Variants in FAM227B observed in about 807,000 individuals in gnomAD.
FAM227B encodes the protein protein FAM227B.
In FAM227B, 88 loss-of-function variants were observed where a neutral mutation model predicts 73.8. The ratio of observed to expected loss-of-function variants is 1.19; its 90% CI spans 1.00 to 1.42. The LOEUF (loss-of-function observed/expected upper bound fraction) is 1.42, where lower values mean the gene tolerates loss of function less well. Among genes scored for constraint, FAM227B ranks in the 40% most tolerant of loss-of-function variants. The pLI is 0.00. For synonymous variants in FAM227B, 210 were observed against 190.5 expected (o/e 1.10, Z -0.84); for missense variants, 632 against 590.9 (o/e 1.07, Z -0.72).
At position 49,395,523 on chromosome 15, in the gene FAM227B, T is replaced by A. The variant is rs566984018; in HGVS notation, c.1013-24124A>T. Among the ~76,000 whole-genome samples the A allele has an allele frequency of 2.0e-5, 3 of 152,330 alleles. 1 individual carries two copies. In the East Asian group the frequency reaches 5.8e-4, roughly 29 times the overall value. On this transcript the variant is annotated intron_variant, in intron 11 of 15. Coordinates refer to ENST00000299338, the MANE Select transcript of FAM227B (RefSeq NM_152647.3). ...TCTGAGTACTGCTGAGAATCAGGGT[T>A]AGCATAGGCAGAAGTACATTACTAT...
At chr15:49,610,004 A>T (rs1598542085) in intron 3 of FAM227B, among the ~76,000 whole-genome samples, 1 of 151,984 alleles carries the variant, frequency 6.6e-6, no homozygotes, top group African/African-American at 2.4e-5. Context: ...CATACTATTA[A>T]TAAGACATGG....
At chr15:49,559,950 A>AC (rs1735998821) in intron 9 of FAM227B, among the ~76,000 whole-genome samples, 2 of 151,886 alleles carry the variant, frequency 1.3e-5, no homozygotes. Context: ...TCGAAAAAAA[A>AC]AAAATTCTGA....
intron 11 of FAM227B, among the ~76,000 whole-genome samples, chr15:49,454,012 C>T (rs181845944): frequency 1.3e-5 from 2 of 152,238 alleles, no homozygotes; most frequent in African/African-American, 2.4e-5. Context: ...ACTGAATCCT[C>T]AAATCTCCTA....
intron 8 of FAM227B, among the ~76,000 whole-genome samples, chr15:49,569,961 T>C (rs1178580429): frequency 2.0e-5 from 3 of 152,036 alleles, no homozygotes; most frequent in Non-Finnish European, 2.9e-5. Context: ...ATTTCCTTTT[T>C]TCAAGGCCCA....
At chr15:49,466,824 T>G (rs2054307778) in intron 11 of FAM227B, among the ~76,000 whole-genome samples, 1 of 152,184 alleles carries the variant, frequency 6.6e-6, no homozygotes, top group Non-Finnish European at 1.5e-5. Context: ...TTAAGTAAAC[T>G]CAGATGTTTT....
intron 11 of FAM227B, among the ~76,000 whole-genome samples, chr15:49,471,533 A>AATAAT (rs2054763911): frequency 1.4e-5 from 2 of 146,762 alleles, no homozygotes; most frequent in South Asian, 4.3e-4. Context: ...TAATAATAAT[A>AATAAT]TGGCAAATGT....
chr15:49,505,732 C>G lies in FAM227B; in HGVS notation c.1012+2479G>C, dbSNP rs569078334. Among the ~76,000 whole-genome samples, 133 of 151,610 alleles carry G rather than the reference C, an allele frequency of 8.8e-4. 5 individuals are homozygous for G. In the South Asian group the frequency reaches 0.026, roughly 30 times the overall value. Reference sequence around the variant, plus strand: ...ATTAACCAAAAGAAGACAGGGAAAACAAAGAACAGATGGGATAAATCTCAA... The same window carrying G: ...ATTAACCAAAAGAAGACAGGGAAAAGAAAGAACAGATGGGATAAATCTCAA... On this transcript the variant is annotated intron_variant, in intron 11 of 15. Coordinates refer to ENST00000299338, the MANE Select transcript of FAM227B (RefSeq NM_152647.3).
chr15:49,384,766 A>G (rs1182798564), intron 11 of FAM227B, among the ~76,000 whole-genome samples: 1 of 152,030 alleles, frequency 6.6e-6, no homozygotes, highest in Non-Finnish European at 1.5e-5. Context: ...AATGACAACA[A>G]TATGTACTAA....
At chr15:49,389,514 A>G (rs1172301265) in intron 11 of FAM227B, among the ~76,000 whole-genome samples, 1 of 151,940 alleles carries the variant, frequency 6.6e-6, no homozygotes, top group Admixed American at 6.6e-5. Context: ...CTAGAGATAC[A>G]AAACTACACA....
intron 13 of FAM227B, among the ~76,000 whole-genome samples, chr15:49,364,303 T>A (rs1197513069): frequency 6.6e-6 from 1 of 152,166 alleles, no homozygotes; most frequent in East Asian, 1.9e-4. Flanking sequence ...TTGTTATTGG[T>A]CTGTTCAGGG....
intron 11 of FAM227B, among the ~76,000 whole-genome samples, chr15:49,458,283 AC>A (rs141562492): frequency 6.6e-6 from 1 of 151,514 alleles, no homozygotes; most frequent in African/African-American, 2.4e-5. Context: ...GAGAAAAAGA[AC>A]CCCCCCACGT....
chr15:49,554,225 G>A, intron 9 of FAM227B, among the ~76,000 whole-genome samples: 1 of 152,096 alleles, frequency 6.6e-6, no homozygotes, highest in Admixed American at 6.5e-5. Flanking sequence ...CAGAAGGAAG[G>A]GGTCTCTTTC....
chr15:49,404,153 A>G (rs2151647606), intron 11 of FAM227B, among the ~76,000 whole-genome samples: 1 of 152,234 alleles, frequency 6.6e-6, no homozygotes, highest in South Asian at 2.1e-4. Flanking sequence ...TGAGTTCTGC[A>G]TTTGCTGAGG....
rs564383028 is a variant in FAM227B, at chr15:49,478,965, T to A, written c.1012+29246A>T. 1.2e-3 allele frequency among the ~76,000 whole-genome samples: 177 copies of A among 152,296 alleles called. 1 individual carries two copies. The highest frequency in any genetic ancestry group is 6.8e-3 in the South Asian group (33 of 4,820). ...TATGAAAGATTTTAGAGAATTTTTT[T>A]AAAAAGTAATTGCAATTTAGATCAA... On this transcript the variant is annotated intron_variant, in intron 11 of 15. Transcript: ENST00000299338.
intron 1 of FAM227B, among the ~76,000 whole-genome samples, chr15:49,619,129 C>T (rs1358157974): frequency 1.3e-5 from 2 of 151,994 alleles, no homozygotes; most frequent in African/African-American, 4.8e-5. Flanking sequence ...TTTAACATTT[C>T]GTCTGCCTAG....
At chr15:49,592,739 T>C (rs2076657021) in intron 3 of FAM227B, among the ~76,000 whole-genome samples, 1 of 152,208 alleles carries the variant, frequency 6.6e-6, no homozygotes, top group Non-Finnish European at 1.5e-5. Context: ...GATAGGGACG[T>C]TTAAGTCTGC....
chr15:49,350,708 C>A (rs2042113623), intron 13 of FAM227B, among the ~76,000 whole-genome samples: 1 of 152,202 alleles, frequency 6.6e-6, no homozygotes, highest in Non-Finnish European at 1.5e-5. Context: ...TCTTCCTGCA[C>A]CATTTGCCTT....
chr15:49,358,929 C>A (rs1243824515), intron 13 of FAM227B, among the ~76,000 whole-genome samples: 1 of 144,072 alleles, frequency 6.9e-6, no homozygotes, highest in Admixed American at 6.9e-5. Flanking sequence ...TCAGAAATAA[C>A]GCCGCATATC....
At chr15:49,526,321 T>G (rs555351616) in intron 10 of FAM227B, among the ~76,000 whole-genome samples, 1 of 152,092 alleles carries the variant, frequency 6.6e-6, no homozygotes, top group African/African-American at 2.4e-5. Context: ...AAAATGAAAT[T>G]TGGGCAGCAA....
Sources: gnomAD v4.1 joint callset for allele counts (sites outside exome capture counted in the v4.1 genomes callset) on GRCh38, gnomAD v4.1.1 for gene constraint, MANE v1.5 for transcripts, NCBI Gene and HGNC (gene_info 2026-07-23, HGNC 2026-07-21) for gene names.